The following TENM3 variants were observed in gnomAD, a reference collection of about 807,000 sequenced individuals.
TENM3 encodes teneurin-3.
A neutral mutation model predicts 255.1 loss-of-function variants in TENM3; 63 were observed. The ratio of observed to expected loss-of-function variants is 0.25; its 90% CI spans 0.20 to 0.30. The LOEUF is 0.30. Ranked by LOEUF, TENM3 falls within the 10% of genes least tolerant of loss-of-function variation. The pLI is 1.00. For synonymous variants in TENM3, 1,306 were observed against 1,322.3 expected, an observed-to-expected ratio of 0.99 and a Z score of 0.27; for missense variants, 2,929 against 3,461.1, an observed-to-expected ratio of 0.85 and a Z score of 3.86.
intron 18 of TENM3, 76 bp downstream of exon 18, chr4:182,738,620 C>A: frequency 1.6e-6 from 2 of 1,263,016 alleles, no homozygotes; most frequent in South Asian, 1.8e-5. Flanking sequence ...CTTTCCAACT[C>A]ATGAGATTGT....
At chr4:181,770,999 G>C in the TENM3 span, among the ~76,000 whole-genome samples, 12 of 152,176 alleles carry the variant, frequency 7.9e-5, no homozygotes, top group African/African-American at 2.9e-4. Context: ...AACCAACTAA[G>C]AAACTTGGCC....
chr4:181,683,116 A>G, the TENM3 span, among the ~76,000 whole-genome samples: 1 of 152,084 alleles, frequency 6.6e-6, no homozygotes, highest in African/African-American at 2.4e-5. Context: ...TGGAAGTAGG[A>G]AGTGACAGCA....
the TENM3 span, among the ~76,000 whole-genome samples, chr4:182,101,100 G>GGAAGGAAGGAAGGAAGGA: frequency 2.9e-4 from 3 of 10,172 alleles, no homozygotes; most frequent in Non-Finnish European, 8.3e-4. Flanking sequence ...GGGAGGGAGG[G>GGAAGGAAGGAAGGAAGGA]AGGGAGGAAG....
chr4:182,459,906 T>TAAA (rs1326825672), intron 3 of TENM3, among the ~76,000 whole-genome samples: 1 of 152,194 alleles, frequency 6.6e-6, no homozygotes. Flanking sequence ...TTCAAAAATA[T>TAAA]ATTTATTAAA....
intron 24 of TENM3, among the ~76,000 whole-genome samples, chr4:182,785,964 G>A (rs949941786): frequency 3.3e-5 from 5 of 152,134 alleles, no homozygotes; most frequent in African/African-American, 1.2e-4. Context: ...GTTCCGTACT[G>A]AATAACAGAG....
At chr4:181,953,044 C>G in the TENM3 span, among the ~76,000 whole-genome samples, 8 of 152,148 alleles carry the variant, frequency 5.3e-5, no homozygotes, top group African/African-American at 1.9e-4. Flanking sequence ...TCCTGAAACA[C>G]GAGGTTTATG....
intron 1 of TENM3, among the ~76,000 whole-genome samples, chr4:182,178,582 G>A (rs1191251217): frequency 6.6e-6 from 1 of 152,006 alleles, no homozygotes; most frequent in African/African-American, 2.4e-5. Flanking sequence ...CATAATATGT[G>A]TATTGTTTCC....
At chr4:181,505,420 T>A in the TENM3 span, among the ~76,000 whole-genome samples, 1 of 151,944 alleles carries the variant, frequency 6.6e-6, no homozygotes, top group East Asian at 1.9e-4. Context: ...AAGGATGGAG[T>A]TTAATTTTCT....
At chr4:182,417,587 G>C (rs1027163884) in intron 3 of TENM3, among the ~76,000 whole-genome samples, 9 of 152,078 alleles carry the variant, frequency 5.9e-5, no homozygotes, top group African/African-American at 2.2e-4. Flanking sequence ...AATAATGCCA[G>C]GAAGGACTTA....
At chr4:182,034,476 T>C in the TENM3 span, among the ~76,000 whole-genome samples, 10 of 152,168 alleles carry the variant, frequency 6.6e-5, no homozygotes, top group African/African-American at 2.4e-4. Flanking sequence ...TGCTTCATAG[T>C]GTGTCACTGG....
chr4:182,651,177 T>C (rs758051574), intron 5 of TENM3, among the ~76,000 whole-genome samples: 1 of 152,012 alleles, frequency 6.6e-6, no homozygotes, highest in Non-Finnish European at 1.5e-5. Flanking sequence ...TATGCCAGAG[T>C]GTGTCTGTCA....
chr4:182,753,439 C>T lies in TENM3; in HGVS notation c.3863-11C>T. 6.2e-7 allele frequency: 1 copy of T among 1,609,558 alleles called. No homozygotes were observed. On this transcript the variant is annotated splice_polypyrimidine_tract_variant and intron_variant, in intron 20 of 27. Coordinates refer to ENST00000511685, the MANE Select transcript of TENM3 (RefSeq NM_001080477.4). ...TGAAAAATTAGTAATACTTGCTTCT[C>T]TCAAATACAGGAATGGCAGTTGATA...
chr4:181,966,903 G>A, the TENM3 span, among the ~76,000 whole-genome samples: 12 of 151,994 alleles, frequency 7.9e-5, no homozygotes, highest in East Asian at 1.9e-4. Flanking sequence ...CACAGCTAGC[G>A]TTCTCTAGCC....
chr4:181,655,431 T>C, the TENM3 span, among the ~76,000 whole-genome samples: 1 of 152,188 alleles, frequency 6.6e-6, no homozygotes, highest in East Asian at 1.9e-4. Context: ...AACAAAGCTG[T>C]ACTGAGGATC....
intron 3 of TENM3, among the ~76,000 whole-genome samples, chr4:182,446,261 A>G (rs1270521333): frequency 1.3e-5 from 2 of 152,232 alleles, no homozygotes; most frequent in African/African-American, 4.8e-5. Context: ...TTGTATTCAG[A>G]AAAGGTGGAA....
At chr4:181,935,482 T>A in the TENM3 span, among the ~76,000 whole-genome samples, 1 of 152,242 alleles carries the variant, frequency 6.6e-6, no homozygotes, top group Admixed American at 6.5e-5. Flanking sequence ...CCTTGCTACC[T>A]TATGCCTGAA....
At chr4:182,394,078 T>A (rs868782718) in intron 3 of TENM3, among the ~76,000 whole-genome samples, 1 of 152,058 alleles carries the variant, frequency 6.6e-6, no homozygotes, top group Admixed American at 6.5e-5. Flanking sequence ...GAAATAAACA[T>A]CACCGTTGGG....
In TENM3 at chr4:182,799,221, C is replaced by T. The variant is rs1240344123; in HGVS notation, c.7345-375C>T. 6.6e-6 allele frequency among the ~76,000 whole-genome samples: 1 copy of T among 152,208 alleles called. No individual in the cohort carries two copies. Among genetic ancestry groups the T allele is most frequent in the Non-Finnish European group, 1.5e-5 (1 of 68,032 alleles). On this transcript the variant is annotated intron_variant, in intron 27 of 27. Transcript: ENST00000511685. The surrounding 1 kb of genome is among the most constrained non-coding windows in gnomAD (Gnocchi z 4.2). The stretch of plus-strand genomic sequence containing the variant: ...TCTGTGTTTGGTGGCTTCTCAGCCT[C>T]CTGTGGAGAAAGCTACGAGCATGCA...
At chr4:181,479,235 A>C in the TENM3 span, among the ~76,000 whole-genome samples, 1 of 152,188 alleles carries the variant, frequency 6.6e-6, no homozygotes, top group Non-Finnish European at 1.5e-5. Context: ...CATCTTGAAA[A>C]ATGCTAATTG....
Sources: gnomAD v4.1 joint callset for allele counts (sites outside exome capture counted in the v4.1 genomes callset) on GRCh38, gnomAD v4.1.1 for gene constraint, Gnocchi (gnomAD v3.1) non-coding constraint, MANE v1.5 for transcripts, NCBI Gene and HGNC (gene_info 2026-07-23, HGNC 2026-07-21) for gene names.